NUDT12: variants seen among roughly 807,000 people sequenced by gnomAD.
The protein encoded by NUDT12 is NAD-capped RNA hydrolase NUDT12.
Under a neutral mutation model 45.7 loss-of-function variants are expected in NUDT12, and 42 were observed. That is an observed-to-expected ratio of 0.92 (90% CI 0.72 to 1.19). The LOEUF is 1.19. Among genes scored for constraint, NUDT12 ranks in the 50% most tolerant of loss-of-function variants. The pLI is 0.00. For synonymous variants in NUDT12, 206 were observed against 179.7 expected, an observed-to-expected ratio of 1.15 and a Z score of -1.17; for missense variants, 590 against 533.1, an observed-to-expected ratio of 1.11 and a Z score of -1.05.
intron 1 of NUDT12, among the ~76,000 whole-genome samples, 161 bp downstream of exon 1, chr5:103,562,542 T>TC (rs1266164731): frequency 6.6e-6 from 1 of 151,574 alleles, no homozygotes; most frequent in African/African-American, 2.4e-5. Flanking sequence ...TGCAAATGCG[T>TC]CCGTGGCTCC....
chr5:103,552,856 G>C (rs1299703756), intron 5 of NUDT12, among the ~76,000 whole-genome samples: 1 of 151,904 alleles, frequency 6.6e-6, no homozygotes. Flanking sequence ...ATTATTGCAG[G>C]TAACTCTTTT....
chr5:103,561,812 C>T (rs909189194), intron 1 of NUDT12, among the ~76,000 whole-genome samples: 2 of 152,182 alleles, frequency 1.3e-5, no homozygotes, highest in Non-Finnish European at 2.9e-5. Flanking sequence ...TCTCACAGGC[C>T]GCGCCAGGTA....
intron 3 of NUDT12, among the ~76,000 whole-genome samples, chr5:103,556,503 G>C (rs1247318786): frequency 6.6e-6 from 1 of 151,890 alleles, no homozygotes; most frequent in Non-Finnish European, 1.5e-5. Context: ...TACTCTAAAG[G>C]AAATATTACT....
In NUDT12 at chr5:103,552,381, C is replaced by CTT; in HGVS notation, c.1113_1114insAA (p.Glu372LysfsTer26). ...CCAACTTTGACTCCACTTTCCTCTTCTACTTCTCTCCTAACAGCATCTTCT... is the reference window on the plus strand; with the variant it reads ...CCAACTTTGACTCCACTTTCCTCTTCTTTACTTCTCTCCTAACAGCATCTTCT... On this transcript the variant is annotated frameshift_variant, in exon 6 of 7. Coordinates refer to ENST00000230792, the MANE Select transcript of NUDT12 (RefSeq NM_031438.4). LOFTEE classifies it high-confidence loss of function. 1.2e-6 allele frequency: 2 copies of CTT among 1,613,906 alleles called. No homozygotes were observed. The highest frequency in any genetic ancestry group is 1.7e-6 in the Non-Finnish European group (2 of 1,179,900).
At chr5:103,556,181 A>G (rs558131073) in intron 3 of NUDT12, 83 bp from the exon 4 acceptor site, 28 of 962,192 alleles carry the variant, frequency 2.9e-5, no homozygotes, top group South Asian at 2.5e-4. Flanking sequence ...TCAAGCTACA[A>G]TAAGAATAGC....
chr5:103,556,091 T>C lies in NUDT12; in HGVS notation c.804A>G (p.Val268=). 6.4e-7 allele frequency: 1 copy of C among 1,564,888 alleles called. No individual in the cohort carries two copies. Residue 268 remains valine (V), a synonymous_variant, in exon 4 of 7, where the codon GTA becomes GTG. Coordinates refer to ENST00000230792, the MANE Select transcript of NUDT12 (RefSeq NM_031438.4). ...AGGCAAGAACAGATCTTGCTTGAGC[T>C]ACAACCCCTTCAAAAAAAAGAAAAG... ...LQLKEKEAGV[V]AQARSVLAWH...
intron 3 of NUDT12, among the ~76,000 whole-genome samples, chr5:103,557,317 T>G (rs1748859043): frequency 2.4e-5 from 2 of 85,082 alleles, no homozygotes; most frequent in African/African-American, 8.2e-5. Context: ...CTAAAGAAAA[T>G]AAATTTTCTT....
At chr5:103,558,120 C>G (rs1345042248) in intron 3 of NUDT12, among the ~76,000 whole-genome samples, 1 of 151,968 alleles carries the variant, frequency 6.6e-6, no homozygotes, top group African/African-American at 2.4e-5. Flanking sequence ...ATATCCAATT[C>G]AATAGCAAAG....
chr5:103,549,249 T>C lies in NUDT12; in HGVS notation c.*1612A>G, dbSNP rs1481313296. The C allele has an allele frequency of 6.6e-5, 10 of 152,198 alleles. No homozygotes were observed. Among genetic ancestry groups the C allele is most frequent in the African/African-American group, 2.4e-4 (10 of 41,578 alleles). The allele number at this position is 152,198 out of a possible 1,614,324, so 9.4% of individuals were successfully genotyped here. On this transcript the variant is annotated 3_prime_UTR_variant, in exon 7 of 7. Transcript: ENST00000230792. ...GTACATTATTTTCCATATACTTATG[T>C]AGCTCGAATTTTATTATGTATCTAA... is the stretch of plus-strand genomic sequence containing the variant.
At chr5:103,554,974 TG>T (rs1339668594) in intron 4 of NUDT12, 121 bp from the exon 5 acceptor site, 15 of 417,444 alleles carry the variant, frequency 3.6e-5, no homozygotes, top group Admixed American at 1.3e-4. Context: ...AACTCTTGTC[TG>T]GTTGTAAGAG....
chr5:103,550,867 A>T lies in NUDT12; in HGVS notation c.1383T>A (p.Asn461Lys), dbSNP rs963043935. 7 of 1,600,760 alleles carry T rather than the reference A, an allele frequency of 4.4e-6. No individual in the cohort carries two copies. Among genetic ancestry groups the T allele is most frequent in the Non-Finnish European group, 6.0e-6 (7 of 1,168,136 alleles). Reference protein sequence around the residue: ...LIKHWIRINPNL With the variant: ...LIKHWIRINPKL ...CAAAGCTTAGTTCTTAGATTTAGAG[A>T]TTAGGATTTATTCTAATCCAGTGTT... The change falls in exon 7 of 7, where the codon AAT becomes AAA. Residue 461 changes from asparagine (N) to lysine (K), a missense_variant. Coordinates refer to ENST00000230792, the MANE Select transcript of NUDT12 (RefSeq NM_031438.4).
intron 3 of NUDT12, among the ~76,000 whole-genome samples, chr5:103,556,415 G>C (rs1748822402): frequency 6.6e-6 from 1 of 151,958 alleles, no homozygotes; most frequent in Non-Finnish European, 1.5e-5. Context: ...CTAGTGTAGA[G>C]TAAGTTTACA....
chr5:103,560,036 T>C lies in NUDT12; in HGVS notation c.206+7A>G, dbSNP rs372116378. The C allele has an allele frequency of 1.1e-5, 18 of 1,600,330 alleles. No individual in the cohort carries two copies. The highest frequency in any genetic ancestry group is 2.2e-5 in the South Asian group (2 of 90,764). On this transcript the variant is annotated splice_region_variant and intron_variant, in intron 2 of 6. Coordinates refer to ENST00000230792, the MANE Select transcript of NUDT12 (RefSeq NM_031438.4). ...CCCTTTCAGGTGGTACAGCCTAAAA[T>C]GTTTACCCTTTCTCAAGCAGAAATT...
In NUDT12 at chr5:103,550,469, C is replaced by T. The variant is rs1419960358; in HGVS notation, c.*392G>A. 1 of 156,134 alleles carries T rather than the reference C, an allele frequency of 6.4e-6. No individual in the cohort carries two copies. The highest frequency in any genetic ancestry group is 2.4e-5 in the African/African-American group (1 of 41,496). The allele number at this position is 156,134 out of a possible 1,614,324, so 9.7% of individuals were successfully genotyped here. A position where few individuals can be genotyped will look rare whatever the true frequency, so the allele number is the denominator to read the frequency against. Reference sequence around the variant, plus strand: ...AAAATTCATTAAAATTACTTTGATTCATTTCTCAAATCAGGAACTTTCTTC... The same window carrying T: ...AAAATTCATTAAAATTACTTTGATTTATTTCTCAAATCAGGAACTTTCTTC... On this transcript the variant is annotated 3_prime_UTR_variant, in exon 7 of 7. Coordinates refer to ENST00000230792, the MANE Select transcript of NUDT12 (RefSeq NM_031438.4).
At chr5:103,553,576 A>T (rs191530135) in intron 5 of NUDT12, among the ~76,000 whole-genome samples, 6 of 152,224 alleles carry the variant, frequency 3.9e-5, no homozygotes, top group South Asian at 2.1e-4. Context: ...AACATACAGA[A>T]AAGGTTAAGA....
chr5:103,554,954 A>G (rs969617086), intron 4 of NUDT12, 101 bp from the exon 5 acceptor site: 43 of 462,968 alleles, frequency 9.3e-5, no homozygotes, highest in Non-Finnish European at 1.6e-4. Context: ...TATATCTCCT[A>G]TAGGGATAGA....
intron 3 of NUDT12, among the ~76,000 whole-genome samples, chr5:103,557,285 A>G (rs761736179): frequency 0.037 from 5,289 of 142,018 alleles, 370 homozygotes; most frequent in Non-Finnish European, 0.055. Flanking sequence ...AAAATGATAT[A>G]TATATATATA....
intron 5 of NUDT12, among the ~76,000 whole-genome samples, chr5:103,553,715 C>G (rs1001120767): frequency 6.6e-6 from 1 of 151,986 alleles, no homozygotes; most frequent in Non-Finnish European, 1.5e-5. Context: ...TTAAAATAAA[C>G]TAAATGTCCA....
Position 103,561,298 on chromosome 5 carries a change from G to A in NUDT12, c.-6-1044C>T, listed in dbSNP as rs1749025950. Among the ~76,000 whole-genome samples, 5 of 152,042 alleles carry A rather than the reference G, an allele frequency of 3.3e-5. No homozygotes were observed. The South Asian group carries it at 1.0e-3, about 32-fold the overall frequency. On this transcript the variant is annotated intron_variant, in intron 1 of 6. Transcript: ENST00000230792. ...GCTGCTGTCTCCTGGGTTCTGAAAG[G>A]GCGATCTGGCTGATGAATTGCATAG...
Sources: gnomAD v4.1 joint callset for allele counts (sites outside exome capture counted in the v4.1 genomes callset) on GRCh38, gnomAD v4.1.1 for gene constraint, MANE v1.5 for transcripts, NCBI Gene and HGNC (gene_info 2026-07-23, HGNC 2026-07-21) for gene names.